The following MCU variants were observed in gnomAD, a reference collection of about 807,000 sequenced individuals.
MCU encodes calcium uniporter protein, mitochondrial.
Under a neutral mutation model 45.2 loss-of-function variants are expected in MCU, and 12 were observed. The observed-to-expected ratio is 0.27, with a 90% confidence interval of 0.17 to 0.43. The LOEUF is 0.43. MCU is among the 20% of genes least tolerant of loss of function. The pLI is 1.00. For synonymous variants in MCU, 160 were observed against 165.1 expected (o/e 0.97, Z 0.24); for missense variants, 324 against 436.7 (o/e 0.74, Z 2.30).
chr10:72,729,954 T>A (rs896277087), intron 1 of MCU, among the ~76,000 whole-genome samples: 6,284 of 36,582 alleles, frequency 0.17, 477 homozygotes, highest in African/African-American at 0.4. Flanking sequence ...TCAGCATTCT[T>A]TTTTTTTTTT....
At position 72,859,270 on chromosome 10, in the gene MCU, C is replaced by G. The variant is rs1358453130; in HGVS notation, c.314C>G (p.Ser105Cys). 3 of 1,613,774 alleles carry G rather than the reference C, an allele frequency of 1.9e-6. No individual in the cohort carries two copies. The highest frequency in any genetic ancestry group is 2.5e-6 in the Non-Finnish European group (3 of 1,179,966). Residue 105 changes from serine (S) to cysteine (C), a missense_variant, in exon 3 of 8, where the codon TCT becomes TGT. Transcript: ENST00000373053. The stretch of plus-strand genomic sequence containing the variant: ...TGTCAGTTCACACTCAAGCCTATCT[C>G]TGACTCTGTTGGTGTATTTTTACGA... ...ERCQFTLKPI[S>C]DSVGVFLRQL...
At chr10:72,787,174 A>G (rs983589179) in intron 1 of MCU, among the ~76,000 whole-genome samples, 6 of 152,218 alleles carry the variant, frequency 3.9e-5, no homozygotes, top group African/African-American at 7.2e-5. Context: ...CTGAAGTCCT[A>G]TCTCCACGAA....
intron 1 of MCU, among the ~76,000 whole-genome samples, chr10:72,722,923 G>A (rs1248937237): frequency 6.6e-6 from 1 of 152,198 alleles, no homozygotes; most frequent in Non-Finnish European, 1.5e-5. Flanking sequence ...TTGGCTGGGT[G>A]TGGTGGCTCA....
intron 2 of MCU, among the ~76,000 whole-genome samples, chr10:72,843,518 G>C (rs1431099830): frequency 1.3e-5 from 2 of 152,110 alleles, no homozygotes; most frequent in Non-Finnish European, 1.5e-5. Context: ...ATAATAGTCT[G>C]TTATCTGGGT....
At chr10:72,717,207 G>C (rs1253700707) in intron 1 of MCU, among the ~76,000 whole-genome samples, 2 of 150,590 alleles carry the variant, frequency 1.3e-5, no homozygotes, top group African/African-American at 4.9e-5. Context: ...TAAGAGTATC[G>C]GTCTTAATTG....
At chr10:72,781,186 T>C (rs1333694621) in intron 1 of MCU, among the ~76,000 whole-genome samples, 3 of 152,226 alleles carry the variant, frequency 2.0e-5, no homozygotes, top group African/African-American at 4.8e-5. Flanking sequence ...ATCAGGATAA[T>C]TCTGGTGAAT....
At chr10:72,734,595 G>A (rs1255815984) in intron 1 of MCU, among the ~76,000 whole-genome samples, 2 of 152,054 alleles carry the variant, frequency 1.3e-5, no homozygotes, top group Non-Finnish European at 2.9e-5. Context: ...ATTGAACCAA[G>A]GTTTTAATAA....
intron 2 of MCU, among the ~76,000 whole-genome samples, chr10:72,853,278 ATATAAG>A (rs1186645901): frequency 4.6e-5 from 7 of 152,240 alleles, no homozygotes; most frequent in African/African-American, 9.6e-5. Flanking sequence ...AAAAGGAAAA[ATATAAG>A]TATAATGTGA....
intron 1 of MCU, among the ~76,000 whole-genome samples, chr10:72,805,077 G>GTTTCTTTC (rs141690879): frequency 1.1e-3 from 159 of 141,092 alleles, no homozygotes; most frequent in African/African-American, 3.1e-3. Flanking sequence ...GCCCTAGTTT[G>GTTTCTTTC]TTTCTTTCTT....
At chr10:72,725,601 A>AATG (rs1404534479) in intron 1 of MCU, among the ~76,000 whole-genome samples, 1 of 152,176 alleles carries the variant, frequency 6.6e-6, no homozygotes, top group Non-Finnish European at 1.5e-5. Flanking sequence ...AAAAAATATT[A>AATG]ATGTAGGCCG....
chr10:72,770,901 G>A (rs1014541324), intron 1 of MCU, among the ~76,000 whole-genome samples: 3 of 151,440 alleles, frequency 2.0e-5, no homozygotes, highest in South Asian at 2.1e-4. Context: ...GGAACTCTTC[G>A]TTTTTTTTCC....
chr10:72,783,817 G>C (rs1473041881), intron 1 of MCU, among the ~76,000 whole-genome samples: 1 of 152,156 alleles, frequency 6.6e-6, no homozygotes, highest in African/African-American at 2.4e-5. Flanking sequence ...CCCATGATTA[G>C]CTCCAAATGT....
chr10:72,811,544 C>G (rs1286181545), intron 1 of MCU, among the ~76,000 whole-genome samples: 2 of 152,158 alleles, frequency 1.3e-5, no homozygotes, highest in Non-Finnish European at 2.9e-5. Flanking sequence ...CTTAACTAAG[C>G]AGCTACTCAA....
At chr10:72,752,130 T>C (rs1019399536) in intron 1 of MCU, among the ~76,000 whole-genome samples, 1 of 151,806 alleles carries the variant, frequency 6.6e-6, no homozygotes, top group Non-Finnish European at 1.5e-5. Flanking sequence ...TGAGCCACCA[T>C]GCCCGGCCGC....
chr10:72,880,926 A>T (rs1845691966), intron 6 of MCU, among the ~76,000 whole-genome samples: 1 of 151,980 alleles, frequency 6.6e-6, no homozygotes, highest in Admixed American at 6.5e-5. Context: ...CCAGGGGTTC[A>T]TGACCAGCCT....
intron 1 of MCU, among the ~76,000 whole-genome samples, chr10:72,809,185 C>T (rs867509217): frequency 6.6e-6 from 1 of 152,192 alleles, no homozygotes; most frequent in Non-Finnish European, 1.5e-5. Flanking sequence ...CACGTGCTCA[C>T]TGTGCTTAAT....
At position 72,738,519 on chromosome 10, in the gene MCU, A is replaced by T. The variant is rs76483765; in HGVS notation, c.150+46218A>T. ...GTGGATTTTTAATTGTCTTGAGAAA[A>T]GAAATGTTGAGTGCTGATAGCTGTG... On this transcript the variant is annotated intron_variant, in intron 1 of 7. Coordinates refer to ENST00000373053, the MANE Select transcript of MCU (RefSeq NM_138357.3). Among the ~76,000 whole-genome samples the T allele has an allele frequency of 5.4e-3, 819 of 152,356 alleles. 5 individuals are homozygous for T. The highest frequency in any genetic ancestry group is 0.019 in the African/African-American group (776 of 41,588).
chr10:72,792,942 G>A lies in MCU; in HGVS notation c.151-41417G>A, dbSNP rs553640191. Among the ~76,000 whole-genome samples, 164 of 151,794 alleles carry A rather than the reference G, an allele frequency of 1.1e-3. 1 individual carries two copies. The highest frequency in any genetic ancestry group is 3.7e-3 in the African/African-American group (154 of 41,360). Reference sequence around the variant, plus strand: ...TGCCCAGGCTGGAGTGCAGTGGCACGATCTTGGCTCACTGCAACCTCCGCT... The same window carrying A: ...TGCCCAGGCTGGAGTGCAGTGGCACAATCTTGGCTCACTGCAACCTCCGCT... On this transcript the variant is annotated intron_variant, in intron 1 of 7. Coordinates refer to ENST00000373053, the MANE Select transcript of MCU (RefSeq NM_138357.3).
At chr10:72,878,003 A>G (rs1222370445) in intron 6 of MCU, among the ~76,000 whole-genome samples, 4 of 152,074 alleles carry the variant, frequency 2.6e-5, no homozygotes, top group African/African-American at 9.7e-5. Context: ...AATACTGGTA[A>G]TCCCCGAGTG....
Sources: gnomAD v4.1 joint callset for allele counts (sites outside exome capture counted in the v4.1 genomes callset) on GRCh38, gnomAD v4.1.1 for gene constraint, MANE v1.5 for transcripts, NCBI Gene and HGNC (gene_info 2026-07-23, HGNC 2026-07-21) for gene names.